LZTFL1: variants seen among roughly 807,000 people sequenced by gnomAD.
The protein encoded by LZTFL1 is leucine zipper transcription factor-like protein 1.
LZTFL1 carries 25 observed loss-of-function variants against 45.9 expected under a neutral mutation model. The observed-to-expected ratio is 0.54, with a 90% CI of 0.40 to 0.76. The LOEUF is 0.76. Among genes scored for constraint, LZTFL1 ranks in the 30% least tolerant of loss-of-function variants. LZTFL1 has a pLI of 0.00. For missense variants in LZTFL1, 277 were observed against 331.1 expected (o/e 0.84, Z 1.27); for synonymous variants, 93 against 117.4 (o/e 0.79, Z 1.35).
chr3:45,898,533 G>A (rs986493471), intron 2 of LZTFL1, among the ~76,000 whole-genome samples: 6 of 152,180 alleles, frequency 3.9e-5, no homozygotes, highest in Non-Finnish European at 7.3e-5. Flanking sequence ...CTGAAGAGCC[G>A]CCTCCAGGAT....
chr3:45,857,606 C>CA (rs1701414542), intron 3 of LZTFL1, among the ~76,000 whole-genome samples: 1 of 152,166 alleles, frequency 6.6e-6, no homozygotes, highest in Admixed American at 6.5e-5. Context: ...ATTACATTGA[C>CA]AAAATTGCCT....
chr3:45,863,955 A>T (rs1459556019), intron 2 of LZTFL1, among the ~76,000 whole-genome samples: 1 of 152,242 alleles, frequency 6.6e-6, no homozygotes, highest in Admixed American at 6.5e-5. Context: ...TATTAATTTT[A>T]GGTGTGATAA....
At chr3:45,862,803 G>T (rs551403478) in intron 2 of LZTFL1, among the ~76,000 whole-genome samples, 2 of 152,372 alleles carry the variant, frequency 1.3e-5, no homozygotes, top group South Asian at 4.1e-4. Context: ...CTCATGGCTT[G>T]CAGCCTTCCC....
At chr3:45,903,218 C>T (rs199999866) in intron 2 of LZTFL1, 19 of 166,060 alleles carry the variant, frequency 1.1e-4, no homozygotes, top group Admixed American at 2.6e-4. Context: ...CTATCTCAAT[C>T]GGATTGTTCA....
chr3:45,902,025 A>G, intron 2 of LZTFL1: 4 of 798,076 alleles, frequency 5.0e-6, no homozygotes, highest in Non-Finnish European at 7.8e-6. Flanking sequence ...TCTGAACTAT[A>G]TGATTACTTG....
intron 2 of LZTFL1, among the ~76,000 whole-genome samples, chr3:45,909,597 C>G (rs1049574264): frequency 6.6e-6 from 1 of 152,210 alleles, no homozygotes; most frequent in Non-Finnish European, 1.5e-5. Flanking sequence ...CCTTATAAAG[C>G]CCCAAATCAC....
intron 2 of LZTFL1, among the ~76,000 whole-genome samples, chr3:45,906,681 G>C (rs1220208731): frequency 6.6e-6 from 1 of 152,240 alleles, no homozygotes; most frequent in Non-Finnish European, 1.5e-5. Flanking sequence ...GAATCGAGAA[G>C]GTTCCTAGCT....
intron 2 of LZTFL1, among the ~76,000 whole-genome samples, chr3:45,909,341 G>T (rs1311728387): frequency 2.6e-5 from 4 of 152,166 alleles, no homozygotes; most frequent in East Asian, 3.8e-4. Flanking sequence ...TGTCAAAAAG[G>T]TTGGGGACCG....
At chr3:45,865,709 T>G (rs1701567574) in intron 2 of LZTFL1, among the ~76,000 whole-genome samples, 1 of 152,210 alleles carries the variant, frequency 6.6e-6, no homozygotes, top group Admixed American at 6.5e-5. Context: ...AATGTAAAAA[T>G]GATACAGTCA....
At chr3:45,841,770 C>A in intron 1 of LZTFL1, 1 of 613,540 alleles carries the variant, frequency 1.6e-6, no homozygotes, top group Non-Finnish European at 2.9e-6. Flanking sequence ...CGGAGCTGGG[C>A]TGCTGGGAAA....
Position 45,901,627 on chromosome 3 carries a change from A to G in LZTFL1, c.-215+11493T>C. The G allele has an allele frequency of 6.2e-7, 1 of 1,614,154 alleles. No homozygotes were observed. Reference sequence around the variant, plus strand: ...TGCATTTTGTTGGTGCAGACCATTGACGCCTATGCCATGTTCATCTCCAAC... The same window carrying G: ...TGCATTTTGTTGGTGCAGACCATTGGCGCCTATGCCATGTTCATCTCCAAC... On this transcript the variant is annotated intron_variant, in intron 2 of 4. Transcript: ENST00000472635. The surrounding 1 kb of genome is among the most constrained non-coding windows in gnomAD (Gnocchi z 4.3).
chr3:45,836,286 T>A (rs531260295), intron 2 of LZTFL1, among the ~76,000 whole-genome samples: 44 of 152,208 alleles, frequency 2.9e-4, no homozygotes, highest in African/African-American at 9.9e-4. Flanking sequence ...ATAATAATAA[T>A]AAAAACTAGC....
At chr3:45,860,185 C>G (rs1701462576) in intron 2 of LZTFL1, among the ~76,000 whole-genome samples, 1 of 152,040 alleles carries the variant, frequency 6.6e-6, no homozygotes, top group Non-Finnish European at 1.5e-5. Context: ...GCACTCCATC[C>G]TGGGCGACAG....
intron 2 of LZTFL1, among the ~76,000 whole-genome samples, chr3:45,871,424 T>C (rs745550776): frequency 6.6e-6 from 1 of 152,232 alleles, no homozygotes; most frequent in Non-Finnish European, 1.5e-5. Context: ...TTAATATGCA[T>C]TTTCCTACTA....
intron 3 of LZTFL1, chr3:45,834,563 T>C (rs1700915171): frequency 3.6e-6 from 1 of 278,696 alleles, no homozygotes; most frequent in Non-Finnish European, 6.8e-6. Context: ...ATAATGTTAA[T>C]ACAAATATGA....
chr3:45,908,230 C>T (rs1340876867), intron 2 of LZTFL1, among the ~76,000 whole-genome samples: 1 of 152,180 alleles, frequency 6.6e-6, no homozygotes, highest in African/African-American at 2.4e-5. Flanking sequence ...GCAGCTTCCA[C>T]ATCCTGTGCC....
intron 2 of LZTFL1, among the ~76,000 whole-genome samples, chr3:45,885,939 C>T (rs1017593618): frequency 6.6e-6 from 1 of 152,184 alleles, no homozygotes; most frequent in Non-Finnish European, 1.5e-5. Flanking sequence ...TGTTCTTGAA[C>T]TCCTAGGCTC....
In LZTFL1 at chr3:45,901,761, C is replaced by A. The variant is rs200417769; in HGVS notation, c.-215+11359G>T. On this transcript the variant is annotated intron_variant, in intron 2 of 4. Transcript: ENST00000472635. This position sits in a 1 kb window ranked among gnomAD's most constrained non-coding sequence, Gnocchi z 4.3. ...CTATGTTTTTGTGGGTGAGAGATTC[C>A]GCCGGGATCTCGTGAAAACCCTGAA... The A allele has an allele frequency of 6.2e-7, 1 of 1,614,134 alleles. No individual in the cohort carries two copies. Among genetic ancestry groups the A allele is most frequent in the South Asian group, 1.1e-5 (1 of 91,074 alleles).
At chr3:45,891,439 C>A (rs936917318) in intron 2 of LZTFL1, among the ~76,000 whole-genome samples, 1 of 152,164 alleles carries the variant, frequency 6.6e-6, no homozygotes, top group Non-Finnish European at 1.5e-5. Context: ...CTCCTTCTCT[C>A]TATATACATA....
Sources: gnomAD v4.1 joint callset for allele counts (sites outside exome capture counted in the v4.1 genomes callset) on GRCh38, gnomAD v4.1.1 for gene constraint, Gnocchi (gnomAD v3.1) non-coding constraint, MANE v1.5 for transcripts, NCBI Gene and HGNC (gene_info 2026-07-23, HGNC 2026-07-21) for gene names.